RNF7: variants seen among roughly 807,000 people sequenced by gnomAD.
The protein encoded by RNF7 is RING-box protein 2.
A neutral mutation model predicts 17.0 loss-of-function variants in RNF7; 9 were observed. The ratio of observed to expected loss-of-function variants is 0.53; its 90% confidence interval spans 0.32 to 0.92. The LOEUF is 0.92. RNF7 is among the 40% of genes least tolerant of loss of function. RNF7 has a pLI of 0.04. For synonymous variants in RNF7, 59 were observed against 50.5 expected, an observed-to-expected ratio of 1.17 and a Z score of -0.72; for missense variants, 87 against 145.8, an observed-to-expected ratio of 0.60 and a Z score of 2.08.
intron 1 of RNF7, among the ~76,000 whole-genome samples, chr3:141,740,862 C>T (rs1444894195): frequency 6.6e-6 from 1 of 152,172 alleles, no homozygotes; most frequent in Non-Finnish European, 1.5e-5. Flanking sequence ...ACTTAGTTCC[C>T]TTTCCTTAGT....
chr3:141,746,929 C>G lies in RNF7; in HGVS notation c.*1652C>G, dbSNP rs1299497107. Reference sequence around the variant, plus strand: ...GGCCATTTAAATGTTTATCATTGTGCAGTGAACTGTTTTAGTAACTTTCTG... The same window carrying G: ...GGCCATTTAAATGTTTATCATTGTGGAGTGAACTGTTTTAGTAACTTTCTG... On this transcript the variant is annotated 3_prime_UTR_variant, in exon 3 of 3. Transcript: ENST00000273480. 1 of 152,138 alleles carries G rather than the reference C, an allele frequency of 6.6e-6. No individual in the cohort carries two copies. Among genetic ancestry groups the G allele is most frequent in the African/African-American group, 2.4e-5 (1 of 41,432 alleles). 9.4% of individuals were successfully genotyped at this position (152,138 alleles called of 1,614,324 possible). A position where few individuals can be genotyped will look rare whatever the true frequency, so the allele number is the denominator to read the frequency against.
At chr3:141,738,930 G>T (rs1390781810) in intron 1 of RNF7, among the ~76,000 whole-genome samples, 1 of 152,248 alleles carries the variant, frequency 6.6e-6, no homozygotes, top group Non-Finnish European at 1.5e-5. Context: ...AAGGTGGTCA[G>T]GGTAAAGGCC....
Position 141,746,763 on chromosome 3 carries a change from A to T in RNF7, c.*1486A>T, listed in dbSNP as rs1490185806. The stretch of plus-strand genomic sequence containing the variant: ...GTGGATACATAGAATGTTTAAAAAG[A>T]TAACAATTAGAATGAAAAATTAAAA... On this transcript the variant is annotated 3_prime_UTR_variant, in exon 3 of 3. Transcript: ENST00000273480. 2 of 150,542 alleles carry T rather than the reference A, an allele frequency of 1.3e-5. No individual in the cohort carries two copies. The highest frequency in any genetic ancestry group is 4.8e-5 in the African/African-American group (2 of 41,326). The allele number at this position is 150,542 out of a possible 1,614,324, so 9.3% of individuals were successfully genotyped here.
chr3:141,742,510 A>G, intron 1 of RNF7: 2 of 723,612 alleles, frequency 2.8e-6, no homozygotes, highest in Non-Finnish European at 3.9e-6. Context: ...ACAGGCGAGC[A>G]TTTTCTTACA....
chr3:141,747,215 C>T lies in RNF7; in HGVS notation c.*1938C>T, dbSNP rs1559833588. 1 of 152,218 alleles carries T rather than the reference C, an allele frequency of 6.6e-6. No individual in the cohort carries two copies. Among genetic ancestry groups the T allele is most frequent in the Non-Finnish European group, 1.5e-5 (1 of 68,044 alleles). 9.4% of individuals were successfully genotyped at this position (152,218 alleles called of 1,614,324 possible). On this transcript the variant is annotated 3_prime_UTR_variant, in exon 3 of 3. Transcript: ENST00000273480. ...CAAAGCAGCGCTGATGCTGCTCAGC[C>T]TGCGATGATTACAGCTCATCTGCAC...
In RNF7 at chr3:141,741,419, A is replaced by G. The variant is rs537552744; in HGVS notation, c.176-2090A>G. 1.1e-4 allele frequency among the ~76,000 whole-genome samples: 17 copies of G among 152,334 alleles called. No individual in the cohort carries two copies. The South Asian group carries it at 3.1e-3, about 28-fold the overall frequency. On this transcript the variant is annotated intron_variant, in intron 1 of 2. Transcript: ENST00000273480. ...GTTGTTTTTAATCCACACTGAAGAG[A>G]CTAGGGCAGTGGTGTTTTTTTAAGG...
intron 1 of RNF7, among the ~76,000 whole-genome samples, chr3:141,742,223 CTTTT>C (rs1196270339): frequency 9.1e-5 from 10 of 109,470 alleles, no homozygotes; most frequent in African/African-American, 3.6e-4. Context: ...CAAGCATTTT[CTTTT>C]TTTTTTTTTT....
intron 2 of RNF7, among the ~76,000 whole-genome samples, chr3:141,744,104 G>A (rs1445056345): frequency 1.3e-5 from 2 of 152,148 alleles, no homozygotes; most frequent in East Asian, 3.9e-4. Context: ...TTCTTGAGGT[G>A]ATCAAGTCTA....
At chr3:141,743,637 G>T in intron 2 of RNF7, 81 bp downstream of exon 2, 2 of 1,022,746 alleles carry the variant, frequency 2.0e-6, no homozygotes, top group South Asian at 2.8e-5. Context: ...AATTAAGATT[G>T]ACTTTATCAA....
At position 141,743,440 on chromosome 3, in the gene RNF7, T is replaced by G. The variant is rs1392154239; in HGVS notation, c.176-69T>G. 5 of 1,249,664 alleles carry G rather than the reference T, an allele frequency of 4.0e-6. No individual in the cohort carries two copies. In the African/African-American group the frequency reaches 4.5e-5, roughly 11 times the overall value. 77.4% of individuals were successfully genotyped at this position (1,249,664 alleles called of 1,614,324 possible). A position where few individuals can be genotyped will look rare whatever the true frequency, so the allele number is the denominator to read the frequency against. On this transcript the variant is annotated intron_variant, in intron 1 of 2. Transcript: ENST00000273480. ...CCCTAACCCTTAGGGCTTTTGACTT[T>G]GAAGTGTCTGGTTTTTAAAAATTGC...
Position 141,745,378 on chromosome 3 carries a change from C to CA in RNF7, c.*104dup. 1.5e-6 allele frequency: 1 copy of CA among 674,782 alleles called. No homozygotes were observed. Among genetic ancestry groups the CA allele is most frequent in the Non-Finnish European group, 2.5e-6 (1 of 393,522 alleles). 41.8% of individuals were successfully genotyped at this position (674,782 alleles called of 1,614,324 possible). ...AGAACACTACAGGGGATGAATTCTT[C>CA]AAATAGGAGCCGATGGATCTGTGGT... On this transcript the variant is annotated 3_prime_UTR_variant, in exon 3 of 3. Coordinates refer to ENST00000273480, the MANE Select transcript of RNF7 (RefSeq NM_014245.5).
chr3:141,738,797 C>G (rs987676488), intron 1 of RNF7, among the ~76,000 whole-genome samples: 2 of 152,362 alleles, frequency 1.3e-5, no homozygotes, highest in African/African-American at 2.4e-5. Context: ...CGGAGTTAAA[C>G]AAGGTAATTT....
chr3:141,738,309 C>T lies in RNF7; in HGVS notation c.-33C>T, dbSNP rs374365952. The T allele has an allele frequency of 7.5e-4, 1,146 of 1,534,944 alleles. 7 individuals carry two copies. In the African/African-American group the frequency reaches 0.014, roughly 19 times the overall value. ...CCCTAGCCTTCCGCCTTCCCCAAGCCAACGTCTCCGCCGTCGGCTCCGCGG... is the reference window on the plus strand; with the variant it reads ...CCCTAGCCTTCCGCCTTCCCCAAGCTAACGTCTCCGCCGTCGGCTCCGCGG... On this transcript the variant is annotated 5_prime_UTR_variant, in exon 1 of 3. Coordinates refer to ENST00000273480, the MANE Select transcript of RNF7 (RefSeq NM_014245.5).
At chr3:141,739,073 T>A (rs1331855297) in intron 1 of RNF7, among the ~76,000 whole-genome samples, 1 of 152,220 alleles carries the variant, frequency 6.6e-6, no homozygotes, top group Non-Finnish European at 1.5e-5. Flanking sequence ...CATTTCCGGA[T>A]TAGCTTACCG....
At chr3:141,744,174 G>C (rs2084448363) in intron 2 of RNF7, among the ~76,000 whole-genome samples, 1 of 152,112 alleles carries the variant, frequency 6.6e-6, no homozygotes, top group African/African-American at 2.4e-5. Context: ...TTTGTATTTT[G>C]TGTTTGCATG....
intron 1 of RNF7, 151 bp downstream of exon 1, chr3:141,738,667 C>A: frequency 1.2e-6 from 1 of 850,668 alleles, no homozygotes; most frequent in Non-Finnish European, 1.7e-6. Flanking sequence ...CGGAGGAACG[C>A]GGAGCCACGC....
chr3:141,741,731 A>T (rs991613572), intron 1 of RNF7, among the ~76,000 whole-genome samples: 12 of 151,988 alleles, frequency 7.9e-5, no homozygotes, highest in Non-Finnish European at 4.4e-5. Flanking sequence ...AGCCTTTAGG[A>T]TCTCATTTTT....
intron 2 of RNF7, among the ~76,000 whole-genome samples, chr3:141,744,319 T>TC (rs1331163595): frequency 6.6e-6 from 1 of 152,226 alleles, no homozygotes; most frequent in African/African-American, 2.4e-5. Context: ...CCAATTTTCA[T>TC]AGGCATTTTT....
intron 2 of RNF7, 37 bp from the exon 3 acceptor site, chr3:141,745,122 A>G (rs1255144507): frequency 7.5e-7 from 1 of 1,340,482 alleles, no homozygotes; most frequent in Admixed American, 1.9e-5. Flanking sequence ...TTTAAATTGA[A>G]ATATGTAATG....
Sources: allele counts gnomAD v4.1 joint callset (sites outside exome capture counted in the v4.1 genomes callset), GRCh38; gene constraint gnomAD v4.1.1; transcripts MANE v1.5; gene names NCBI Gene and HGNC (gene_info 2026-07-23, HGNC 2026-07-21).